Variants in SLC25A26 observed in about 807,000 individuals in gnomAD.
The protein encoded by SLC25A26 is mitochondrial S-adenosylmethionine carrier protein.
Under a neutral mutation model 37.8 loss-of-function variants are expected in SLC25A26, and 36 were observed. That is an observed-to-expected ratio of 0.95 (90% CI 0.73 to 1.26). SLC25A26 has a LOEUF of 1.26. SLC25A26 is among the 50% of genes most tolerant of loss of function. SLC25A26 has a pLI of 0.00. For synonymous variants in SLC25A26, 129 were observed against 122.5 expected (o/e 1.05, Z -0.35); for missense variants, 390 against 331.1 (o/e 1.18, Z -1.38).
At chr3:66,260,255 A>G (rs2073472274) in intron 3 of SLC25A26, among the ~76,000 whole-genome samples, 2 of 152,132 alleles carry the variant, frequency 1.3e-5, no homozygotes, top group Admixed American at 6.5e-5. Context: ...GGTTCTTTGA[A>G]GCCAGGGCAT....
chr3:66,334,703 G>T (rs2076055522), intron 5 of SLC25A26, among the ~76,000 whole-genome samples: 1 of 151,982 alleles, frequency 6.6e-6, no homozygotes, highest in Non-Finnish European at 1.5e-5. Flanking sequence ...TCCCAAATAT[G>T]ATCTGTTCTT....
intron 5 of SLC25A26, among the ~76,000 whole-genome samples, chr3:66,345,409 C>G (rs926291399): frequency 3.9e-5 from 6 of 151,970 alleles, no homozygotes; most frequent in African/African-American, 1.5e-4. Flanking sequence ...CCTGCCCTTG[C>G]CCTCTCTCCA....
At chr3:66,322,358 C>A (rs1005167238) in intron 5 of SLC25A26, among the ~76,000 whole-genome samples, 2 of 152,130 alleles carry the variant, frequency 1.3e-5, no homozygotes, top group African/African-American at 4.8e-5. Context: ...TCTCATTAAG[C>A]AATGAGATTC....
At chr3:66,315,676 AT>A (rs1341724801) in intron 5 of SLC25A26, among the ~76,000 whole-genome samples, 1 of 151,844 alleles carries the variant, frequency 6.6e-6, no homozygotes, top group Non-Finnish European at 1.5e-5. Flanking sequence ...ATCTTTGTTA[AT>A]TTTCTGTCTC....
At chr3:66,347,421 G>A (rs545045027) in intron 6 of SLC25A26, among the ~76,000 whole-genome samples, 1 of 152,270 alleles carries the variant, frequency 6.6e-6, no homozygotes, top group East Asian at 1.9e-4. Flanking sequence ...AAACCACAAT[G>A]AGATACCGTC....
At chr3:66,284,433 A>T (rs927154052) in intron 5 of SLC25A26, among the ~76,000 whole-genome samples, 5 of 152,298 alleles carry the variant, frequency 3.3e-5, no homozygotes, top group African/African-American at 1.2e-4. Context: ...GATACAGTAA[A>T]ACTGAAGATC....
chr3:66,270,654 C>T (rs974565289), intron 5 of SLC25A26, among the ~76,000 whole-genome samples: 2 of 151,974 alleles, frequency 1.3e-5, no homozygotes, highest in Admixed American at 6.6e-5. Flanking sequence ...ATAACTTTAC[C>T]GTAGAGATGT....
intron 3 of SLC25A26, among the ~76,000 whole-genome samples, chr3:66,257,990 T>C (rs916039080): frequency 1.3e-5 from 2 of 152,224 alleles, no homozygotes; most frequent in Admixed American, 1.3e-4. Flanking sequence ...GGTGCTTGGT[T>C]GCTTGCCATC....
At chr3:66,174,120 T>C in intron 1 of SLC25A26, among the ~76,000 whole-genome samples, 1 of 150,446 alleles carries the variant, frequency 6.6e-6, no homozygotes, top group Non-Finnish European at 1.5e-5. Context: ...CTTTAAAATA[T>C]TAAGTAGCAG....
chr3:66,196,104 C>T (rs1336758270), intron 1 of SLC25A26, among the ~76,000 whole-genome samples: 2 of 150,314 alleles, frequency 1.3e-5, no homozygotes, highest in Non-Finnish European at 3.0e-5. Context: ...TCAGTTTAAT[C>T]AATATCTACA....
At position 66,188,079 on chromosome 3, in the gene SLC25A26, G is replaced by A. The variant is rs936379484; in HGVS notation, c.-353-32663G>A. 4.4e-3 allele frequency among the ~76,000 whole-genome samples: 667 copies of A among 152,110 alleles called. 5 individuals carry two copies. The highest frequency in any genetic ancestry group is 0.015 in the African/African-American group (628 of 41,468). On this transcript the variant is annotated intron_variant, in intron 1 of 10. Transcript: ENST00000676754. ...CCCTGAGACTCAGCTAACACTGAAC[G>A]TCACTCTAATCCTCTCACTCACTGT...
chr3:66,304,925 G>T (rs2075175258), intron 5 of SLC25A26, among the ~76,000 whole-genome samples: 1 of 152,144 alleles, frequency 6.6e-6, no homozygotes, highest in African/African-American at 2.4e-5. Flanking sequence ...ACCCCATAAT[G>T]TTAAGAAACT....
At chr3:66,308,100 C>T (rs1285294578) in intron 5 of SLC25A26, among the ~76,000 whole-genome samples, 1 of 152,144 alleles carries the variant, frequency 6.6e-6, no homozygotes, top group Non-Finnish European at 1.5e-5. Flanking sequence ...GCAGTATGGG[C>T]ATTTTCATGA....
intron 1 of SLC25A26, among the ~76,000 whole-genome samples, chr3:66,159,277 T>C (rs1257102461): frequency 1.3e-5 from 2 of 152,222 alleles, no homozygotes; most frequent in Non-Finnish European, 2.9e-5. Context: ...TTCTAGGGAA[T>C]GCTAGGCCTG....
intron 5 of SLC25A26, among the ~76,000 whole-genome samples, chr3:66,290,218 A>G (rs889004453): frequency 6.6e-6 from 1 of 152,190 alleles, no homozygotes; most frequent in Non-Finnish European, 1.5e-5. Context: ...TTTTGGGCAG[A>G]GTCGATGGGG....
intron 5 of SLC25A26, among the ~76,000 whole-genome samples, chr3:66,293,668 G>A (rs976382690): frequency 3.3e-5 from 5 of 152,098 alleles, no homozygotes; most frequent in Non-Finnish European, 5.9e-5. Context: ...GCATTAGTTT[G>A]CAAAGGATAA....
At chr3:66,243,055 G>C (rs918800671) in intron 2 of SLC25A26, 148 bp from the exon 3 acceptor site, 2 of 527,846 alleles carry the variant, frequency 3.8e-6, no homozygotes, top group Non-Finnish European at 6.7e-6. Flanking sequence ...CTGAAAGAGT[G>C]GGGGTAGGAA....
chr3:66,333,909 T>G (rs1184945755), intron 5 of SLC25A26, among the ~76,000 whole-genome samples: 1 of 152,192 alleles, frequency 6.6e-6, no homozygotes, highest in East Asian at 1.9e-4. Context: ...TCGCTTCCAT[T>G]TAGCTGTCTG....
chr3:66,151,531 C>T (rs1164485503), intron 1 of SLC25A26, among the ~76,000 whole-genome samples: 2 of 152,214 alleles, frequency 1.3e-5, no homozygotes, highest in African/African-American at 4.8e-5. Flanking sequence ...ACAGCCTGAC[C>T]CTTAGCCACC....
Sources: gnomAD v4.1 joint callset for allele counts (sites outside exome capture counted in the v4.1 genomes callset) on GRCh38, gnomAD v4.1.1 for gene constraint, MANE v1.5 for transcripts, NCBI Gene and HGNC (gene_info 2026-07-23, HGNC 2026-07-21) for gene names.